Variants in MAP2K1 observed in about 807,000 individuals in gnomAD.
The protein encoded by MAP2K1 is mitogen-activated protein kinase kinase 1.
MAP2K1 carries 16 observed loss-of-function variants against 46.3 expected under a neutral mutation model. The observed-to-expected ratio is 0.35, with a 90% CI of 0.23 to 0.52. The LOEUF (loss-of-function observed/expected upper bound fraction) is 0.52, where lower values mean the gene tolerates loss of function less well. Ranked by LOEUF, MAP2K1 falls within the 20% of genes least tolerant of loss-of-function variation. The pLI, the probability that MAP2K1 is intolerant of heterozygous loss-of-function variation, is 0.94. For synonymous variants in MAP2K1, 183 were observed against 185.6 expected (o/e 0.99, Z 0.11); for missense variants, 263 against 497.1 (o/e 0.53, Z 4.48).
At chr15:66,453,820 C>T (rs1028639773) in intron 5 of MAP2K1, among the ~76,000 whole-genome samples, 2 of 151,966 alleles carry the variant, frequency 1.3e-5, no homozygotes, top group Non-Finnish European at 2.9e-5. Flanking sequence ...CTTTTTGAGA[C>T]AGGGTCTTGC....
intron 1 of MAP2K1, chr15:66,415,151 G>C: frequency 1.9e-6 from 1 of 525,512 alleles, no homozygotes. Flanking sequence ...AGCTCCCCTA[G>C]TTTGACCTCC....
chr15:66,439,180 G>A (rs1053001485), intron 3 of MAP2K1, among the ~76,000 whole-genome samples: 1 of 152,214 alleles, frequency 6.6e-6, no homozygotes, highest in Non-Finnish European at 1.5e-5. Flanking sequence ...TGGACCTTCT[G>A]CTTTGCCTCA....
rs188774188 is a variant in MAP2K1 at position 66,402,179 on chromosome 15, A to G, written c.80+14752A>G. On this transcript the variant is annotated intron_variant, in intron 1 of 10. Coordinates refer to ENST00000307102, the MANE Select transcript of MAP2K1 (RefSeq NM_002755.4). The stretch of plus-strand genomic sequence containing the variant: ...CGTGTTTTTTGACTGGGCATTATGT[A>G]TAGCATACTTTTCATTAGCGGTTTA... 9.5e-4 allele frequency among the ~76,000 whole-genome samples: 144 copies of G among 152,316 alleles called. 1 individual carries two copies. The highest frequency in any genetic ancestry group is 5.6e-3 in the Admixed American group (85 of 15,294).
chr15:66,484,897 G>T (rs948631908), intron 6 of MAP2K1, 93 bp from the exon 7 acceptor site: 2 of 1,052,186 alleles, frequency 1.9e-6, no homozygotes, highest in Middle Eastern at 6.0e-4. Context: ...AACAGGATAT[G>T]AACTATTGAG....
chr15:66,445,428 A>G (rs1044565394), intron 5 of MAP2K1, among the ~76,000 whole-genome samples: 1 of 152,188 alleles, frequency 6.6e-6, no homozygotes, highest in African/African-American at 2.4e-5. Flanking sequence ...ACACATTAAA[A>G]AAAGAAAGAA....
chr15:66,436,935 G>C (rs2140584661), intron 3 of MAP2K1, 43 bp downstream of exon 3: 1 of 1,611,128 alleles, frequency 6.2e-7, no homozygotes, highest in African/African-American at 1.3e-5. Flanking sequence ...GGCCTTAAGA[G>C]TTGGGTGGCT....
chr15:66,469,723 C>CACACACACACACACACACACATAT (rs143830560), intron 5 of MAP2K1, among the ~76,000 whole-genome samples: 5 of 134,460 alleles, frequency 3.7e-5, no homozygotes, highest in South Asian at 5.1e-4. Flanking sequence ...CACACACACA[C>CACACACACACACACACACACATAT]ATATCGGATG....
intron 1 of MAP2K1, among the ~76,000 whole-genome samples, chr15:66,391,445 C>T (rs1447168079): frequency 2.0e-5 from 3 of 152,140 alleles, no homozygotes; most frequent in Non-Finnish European, 2.9e-5. Context: ...CCCACCACTG[C>T]GTCCAGCTAA....
chr15:66,438,481 A>T (rs2093494866), intron 3 of MAP2K1, among the ~76,000 whole-genome samples: 1 of 152,116 alleles, frequency 6.6e-6, no homozygotes, highest in Non-Finnish European at 1.5e-5. Flanking sequence ...TGGCATCCTT[A>T]TTCTGGAATT....
At chr15:66,466,926 GC>G (rs1167770375) in intron 5 of MAP2K1, among the ~76,000 whole-genome samples, 3 of 152,206 alleles carry the variant, frequency 2.0e-5, no homozygotes, top group Admixed American at 6.5e-5. Flanking sequence ...GTTATCAGAA[GC>G]CTGTATTCAG....
intron 1 of MAP2K1, among the ~76,000 whole-genome samples, chr15:66,405,955 G>A (rs1214040686): frequency 2.6e-5 from 4 of 152,162 alleles, no homozygotes; most frequent in Admixed American, 2.6e-4. Context: ...AATGACAGAG[G>A]GATGTATACT....
At chr15:66,487,371 G>A in intron 8 of MAP2K1, 79 bp downstream of exon 8, 1 of 1,312,804 alleles carries the variant, frequency 7.6e-7, no homozygotes, top group Non-Finnish European at 1.1e-6. Flanking sequence ...GGGTGCAGTG[G>A]TTCACGCCTG....
At position 66,489,221 on chromosome 15, in the gene MAP2K1, C is replaced by G. The variant is rs1301109791; in HGVS notation, c.967C>G (p.Pro323Ala). The change falls in exon 9 of 11, where the codon CCA becomes GCA. Residue 323 changes from proline (P) to alanine (A), a missense_variant. This residue lies in a region of MAP2K1 where 118 missense variants were observed against 193.0 expected (regional missense o/e 0.61). Transcript: ENST00000307102. Reference sequence around the variant, plus strand: ...TCTCAACATGTGTTTGCAGCCTCCTCCAAAACTGCCCAGTGGAGTGTTCAG... The same window carrying G: ...TCTCAACATGTGTTTGCAGCCTCCTGCAAAACTGCCCAGTGGAGTGTTCAG... ...LLDYIVNEPPPKLPSGVFSLE... is the reference protein window; with the variant it reads ...LLDYIVNEPPAKLPSGVFSLE... 1.9e-6 allele frequency: 3 copies of G among 1,614,006 alleles called. No individual in the cohort carries two copies. The South Asian group carries it at 3.3e-5, about 18-fold the overall frequency.
At chr15:66,430,406 G>A (rs2093472391) in intron 1 of MAP2K1, among the ~76,000 whole-genome samples, 1 of 152,192 alleles carries the variant, frequency 6.6e-6, no homozygotes, top group South Asian at 2.1e-4. Context: ...GGCTGCCATC[G>A]AGGCTAGAGC....
At chr15:66,441,709 G>A (rs1246149944) in intron 3 of MAP2K1, among the ~76,000 whole-genome samples, 1 of 150,250 alleles carries the variant, frequency 6.7e-6, no homozygotes, top group Non-Finnish European at 1.5e-5. Flanking sequence ...TCTCCCTAAG[G>A]AGAGAGTGTG....
At chr15:66,414,167 G>A (rs12909274) in intron 1 of MAP2K1, among the ~76,000 whole-genome samples, 15,871 of 150,606 alleles carry the variant, frequency 0.11, 992 homozygotes, top group Non-Finnish European at 0.14. Context: ...TCCTCTTGTC[G>A]CCTGTGATGA....
At chr15:66,473,790 G>A (rs751948427) in intron 5 of MAP2K1, among the ~76,000 whole-genome samples, 6 of 152,158 alleles carry the variant, frequency 3.9e-5, no homozygotes, top group Non-Finnish European at 8.8e-5. Context: ...GAGTTCTCAT[G>A]CCTCAGCCTC....
intron 5 of MAP2K1, among the ~76,000 whole-genome samples, chr15:66,462,023 C>T (rs1173540990): frequency 6.6e-6 from 1 of 152,184 alleles, no homozygotes; most frequent in African/African-American, 2.4e-5. Context: ...CAATGCTGGG[C>T]TCCAAAGAGG....
At chr15:66,413,327 G>T (rs2093416143) in intron 1 of MAP2K1, among the ~76,000 whole-genome samples, 1 of 152,154 alleles carries the variant, frequency 6.6e-6, no homozygotes, top group African/African-American at 2.4e-5. Context: ...TCTCCTCTTG[G>T]TGCTTCAGCA....
Sources: allele counts gnomAD v4.1 joint callset (sites outside exome capture counted in the v4.1 genomes callset), GRCh38; gene constraint gnomAD v4.1.1; regional missense constraint gnomAD v4.1.1; transcripts MANE v1.5; gene names NCBI Gene and HGNC (gene_info 2026-07-23, HGNC 2026-07-21).